NHS: variants seen among roughly 807,000 people sequenced by gnomAD.
The protein encoded by NHS is actin remodeling regulator NHS.
Under a neutral mutation model 72.5 loss-of-function variants are expected in NHS, and 5 were observed. The ratio of observed to expected loss-of-function variants is 0.07; its 90% CI spans 0.04 to 0.14. The LOEUF is 0.14. NHS is among the 10% of genes least tolerant of loss of function. NHS has a pLI of 1.00. For synonymous variants in NHS, 464 were observed against 547.7 expected, an observed-to-expected ratio of 0.85 and a Z score of 2.13; for missense variants, 1,072 against 1,355.7, an observed-to-expected ratio of 0.79 and a Z score of 3.29.
chrX:17,513,825 T>C (rs1047885395), intron 1 of NHS, among the ~76,000 whole-genome samples: 2 of 112,526 alleles, frequency 1.8e-5, no homozygotes, highest in African/African-American at 3.2e-5. Context: ...GTCAACTTGA[T>C]TGAAGGATGC....
chrX:17,517,661 T>C lies in NHS; in HGVS notation c.565+141339T>C, dbSNP rs186708482. On this transcript the variant is annotated intron_variant, in intron 1 of 8. Coordinates refer to ENST00000676302, the MANE Select transcript of NHS (RefSeq NM_001291867.2). ...GAGAATGTTAGAGGGCTTATTGTGTTGTAAATGGGCCCTCACTCTTTTGGT... is the reference window on the plus strand; with the variant it reads ...GAGAATGTTAGAGGGCTTATTGTGTCGTAAATGGGCCCTCACTCTTTTGGT... 2.4e-4 allele frequency among the ~76,000 whole-genome samples: 27 copies of C among 111,893 alleles called. No individual in the cohort carries two copies. In the East Asian group the frequency reaches 7.6e-3, roughly 32 times the overall value.
At chrX:17,552,610 C>T (rs2065342497) in intron 1 of NHS, 1 of 111,762 alleles carries the variant, frequency 8.9e-6, no homozygotes, top group Non-Finnish European at 1.9e-5. Flanking sequence ...AGACTTCCAT[C>T]CGGGATCTTT....
intron 1 of NHS, among the ~76,000 whole-genome samples, chrX:17,660,713 G>C (rs1238527802): frequency 1.8e-5 from 2 of 112,273 alleles, no homozygotes; most frequent in African/African-American, 6.5e-5. Flanking sequence ...AGTGCCCAAG[G>C]GTGCAAAGGC....
At chrX:17,691,450 T>C (rs1014227553) in intron 2 of NHS, among the ~76,000 whole-genome samples, 18 of 112,085 alleles carry the variant, frequency 1.6e-4, no homozygotes, top group Non-Finnish European at 1.9e-4. Context: ...TGATTGCTTA[T>C]GGGAGCCAAC....
At chrX:17,502,015 C>T (rs1393210003) in intron 1 of NHS, among the ~76,000 whole-genome samples, 1 of 111,810 alleles carries the variant, frequency 8.9e-6, no homozygotes, top group African/African-American at 3.2e-5. Flanking sequence ...GTCCATTGAA[C>T]TCAGTTAATT....
At chrX:17,531,525 C>A (rs1396836879) in intron 1 of NHS, among the ~76,000 whole-genome samples, 2 of 112,354 alleles carry the variant, frequency 1.8e-5, no homozygotes, top group Non-Finnish European at 1.9e-5. Context: ...TTTCTACTAT[C>A]AAGTCCAAGT....
chrX:17,378,059 C>CGTGTGTGTGT (rs34807039), intron 1 of NHS, among the ~76,000 whole-genome samples: 33 of 101,054 alleles, frequency 3.3e-4, no homozygotes, highest in African/African-American at 1.0e-3. Flanking sequence ...ATACATTTCC[C>CGTGTGTGTGT]GTGTGTGTGT....
chrX:17,441,256 G>C (rs1026319462), intron 1 of NHS, among the ~76,000 whole-genome samples: 1 of 111,904 alleles, frequency 8.9e-6, no homozygotes, highest in African/African-American at 3.2e-5. Flanking sequence ...ATTCATCCTC[G>C]CAATACCCTT....
intron 1 of NHS, among the ~76,000 whole-genome samples, chrX:17,682,451 G>A (rs898453301): frequency 1.3e-4 from 14 of 111,944 alleles, no homozygotes; most frequent in Admixed American, 1.0e-3. Context: ...ACAAAGCTAT[G>A]TGTTGGGGGT....
intron 1 of NHS, among the ~76,000 whole-genome samples, chrX:17,538,800 C>T (rs920787836): frequency 5.4e-5 from 6 of 112,028 alleles, no homozygotes; most frequent in Non-Finnish European, 9.4e-5. Flanking sequence ...AGATCAAAAC[C>T]GCTTTTCTTT....
At chrX:17,642,232 C>T (rs1023750525) in intron 1 of NHS, among the ~76,000 whole-genome samples, 1 of 112,286 alleles carries the variant, frequency 8.9e-6, no homozygotes, top group Non-Finnish European at 1.9e-5. Flanking sequence ...AGGCGTGAGC[C>T]GCCACGCTCG....
intron 1 of NHS, among the ~76,000 whole-genome samples, chrX:17,433,215 T>A (rs1467011640): frequency 1.0e-5 from 1 of 98,428 alleles, no homozygotes; most frequent in African/African-American, 3.8e-5. Context: ...TTTTTTTTTT[T>A]TTTTTTTGTA....
intron 1 of NHS, among the ~76,000 whole-genome samples, chrX:17,503,722 C>T (rs777354014): frequency 1.8e-5 from 2 of 111,907 alleles, no homozygotes; most frequent in East Asian, 5.6e-4. Flanking sequence ...GGACTAATAT[C>T]ATGGGGGACA....
chrX:17,440,715 C>T (rs1194067308), intron 1 of NHS, among the ~76,000 whole-genome samples: 1 of 111,771 alleles, frequency 8.9e-6, no homozygotes, highest in East Asian at 2.8e-4. Context: ...TCTCTCTGGC[C>T]TCAGTTCAGG....
At chrX:17,671,234 T>C (rs1350829222) in intron 1 of NHS, among the ~76,000 whole-genome samples, 5 of 112,049 alleles carry the variant, frequency 4.5e-5, no homozygotes, top group Non-Finnish European at 9.4e-5. Context: ...TTCCAAGAGC[T>C]AATTTGAAGG....
chrX:17,728,909 A>G (rs1433590953), intron 8 of NHS, 134 bp downstream of exon 8: 1 of 871,708 alleles, frequency 1.1e-6, no homozygotes, highest in Admixed American at 2.6e-5. Flanking sequence ...AAAAGCAAGC[A>G]AAGAATAATT....
intron 1 of NHS, among the ~76,000 whole-genome samples, chrX:17,568,358 G>C (rs1248286675): frequency 8.9e-6 from 1 of 111,847 alleles, no homozygotes; most frequent in East Asian, 2.8e-4. Flanking sequence ...CCATATGTAA[G>C]ATCACTATTC....
At chrX:17,471,667 A>G (rs906115167) in intron 1 of NHS, among the ~76,000 whole-genome samples, 4 of 112,183 alleles carry the variant, frequency 3.6e-5, no homozygotes, top group African/African-American at 1.3e-4. Flanking sequence ...AGGTTATGCT[A>G]GAATGAAAAA....
intron 1 of NHS, among the ~76,000 whole-genome samples, chrX:17,592,733 G>A (rs1284295907): frequency 8.9e-6 from 1 of 111,883 alleles, no homozygotes; most frequent in Non-Finnish European, 1.9e-5. Flanking sequence ...CCTTAGGAAT[G>A]TTATAATAAA....
Sources: gnomAD v4.1 joint callset for allele counts (sites outside exome capture counted in the v4.1 genomes callset) on GRCh38, gnomAD v4.1.1 for gene constraint, MANE v1.5 for transcripts, NCBI Gene and HGNC (gene_info 2026-07-23, HGNC 2026-07-21) for gene names.